The following CACNA1C variants were observed in gnomAD, a reference collection of about 807,000 sequenced individuals.
CACNA1C encodes calcium voltage-gated channel subunit alpha1 C.
A neutral mutation model predicts 229.0 loss-of-function variants in CACNA1C; 30 were observed. That is an observed-to-expected ratio of 0.13 (90% CI 0.10 to 0.18). The LOEUF is 0.18. Among genes scored for constraint, CACNA1C ranks in the 10% least tolerant of loss-of-function variants. The probability of loss-of-function intolerance (pLI) is 1.00; values close to 1 mark genes in which losing one functional copy is unlikely to be tolerated. For missense variants in CACNA1C, 1,658 were observed against 2,845.0 expected (o/e 0.58, Z 9.49); for synonymous variants, 1,114 against 1,132.5 (o/e 0.98, Z 0.33).
chr12:2,662,044 C>T (rs1022535633), intron 34 of CACNA1C, among the ~76,000 whole-genome samples: 1 of 152,144 alleles, frequency 6.6e-6, no homozygotes, highest in East Asian at 1.9e-4. Flanking sequence ...AGATCGAGAC[C>T]ATCCTGGCTA....
In CACNA1C at chr12:2,138,162, C is replaced by T. The variant is rs529700110; in HGVS notation, c.477+17732C>T. Among the ~76,000 whole-genome samples, 27 of 151,566 alleles carry T rather than the reference C, an allele frequency of 1.8e-4. 3 individuals carry two copies. In the South Asian group the frequency reaches 5.7e-3, roughly 32 times the overall value. ...CAGTCAGAAACATGGCCTGGGGCAGCCTCTCTTCTCTGTGCCTTTGAGTCC... is the reference window on the plus strand; with the variant it reads ...CAGTCAGAAACATGGCCTGGGGCAGTCTCTCTTCTCTGTGCCTTTGAGTCC... On this transcript the variant is annotated intron_variant, in intron 3 of 46. Coordinates refer to ENST00000399655, the MANE Select transcript of CACNA1C (RefSeq NM_000719.7).
At position 2,139,795 on chromosome 12, in the gene CACNA1C, A is replaced by G. The variant is rs747673170; in HGVS notation, c.477+19365A>G. Among the ~76,000 whole-genome samples the G allele has an allele frequency of 1.3e-3, 190 of 151,336 alleles. 8 individuals are homozygous for G. The highest frequency in any genetic ancestry group is 1.9e-3 in the Non-Finnish European group (129 of 67,584). On this transcript the variant is annotated intron_variant, in intron 3 of 46. Coordinates refer to ENST00000399655, the MANE Select transcript of CACNA1C (RefSeq NM_000719.7). Reference sequence around the variant, plus strand: ...CCCGCTGGCCTCAGACATGCGCCCTAAAGATGGGAGCATGCAGTGTGAACT... The same window carrying G: ...CCCGCTGGCCTCAGACATGCGCCCTGAAGATGGGAGCATGCAGTGTGAACT...
chr12:2,235,619 G>A (rs1338001155), intron 3 of CACNA1C, among the ~76,000 whole-genome samples: 1 of 152,160 alleles, frequency 6.6e-6, no homozygotes, highest in African/African-American at 2.4e-5. Context: ...GGGTGATGCC[G>A]GTTTACCCAG....
At chr12:2,206,615 G>A (rs1157617097) in intron 3 of CACNA1C, among the ~76,000 whole-genome samples, 1 of 152,228 alleles carries the variant, frequency 6.6e-6, no homozygotes, top group Non-Finnish European at 1.5e-5. Flanking sequence ...ACTGTCCAAT[G>A]AGTGTTTGTT....
At position 2,630,859 on chromosome 12, in the gene CACNA1C, CA is replaced by C. The variant is rs2090057218; in HGVS notation, c.3829-3436del. Among the ~76,000 whole-genome samples the C allele has an allele frequency of 6.6e-6, 1 of 152,128 alleles. No individual in the cohort carries two copies. The highest frequency in any genetic ancestry group is 2.4e-5 in the African/African-American group (1 of 41,418). On this transcript the variant is annotated intron_variant, in intron 29 of 46. Transcript: ENST00000399655. This position sits in a 1 kb window ranked among gnomAD's most constrained non-coding sequence, Gnocchi z 5.4. The stretch of plus-strand genomic sequence containing the variant: ...GCCTGCTGAGGACAAGTGTGAGGCA[CA>C]AGGCCTTAACTCCAACAGAGCCCAG...
intron 1 of CACNA1C, among the ~76,000 whole-genome samples, chr12:2,002,283 C>T (rs866952710): frequency 6.6e-6 from 1 of 152,184 alleles, no homozygotes; most frequent in African/African-American, 2.4e-5. Context: ...TACATTCAAA[C>T]GGCTCCCATC....
At chr12:2,536,775 G>A (rs1356227078) in intron 9 of CACNA1C, among the ~76,000 whole-genome samples, 1 of 152,128 alleles carries the variant, frequency 6.6e-6, no homozygotes, top group African/African-American at 2.4e-5. Context: ...GCTGCGGTGA[G>A]CCAAGATCAT....
chr12:2,379,085 T>A (rs1000274212), intron 3 of CACNA1C, among the ~76,000 whole-genome samples: 2 of 152,254 alleles, frequency 1.3e-5, no homozygotes, highest in Non-Finnish European at 2.9e-5. Flanking sequence ...TTTTTGGTTT[T>A]GATAAGTGCT....
At chr12:2,402,900 T>C (rs1324081181) in intron 3 of CACNA1C, among the ~76,000 whole-genome samples, 1 of 152,232 alleles carries the variant, frequency 6.6e-6, no homozygotes, top group Non-Finnish European at 1.5e-5. Context: ...TTAGGAATAA[T>C]AGGTCCATTA....
intron 38 of CACNA1C, among the ~76,000 whole-genome samples, chr12:2,670,790 C>G (rs950597641): frequency 1.3e-5 from 2 of 151,198 alleles, no homozygotes; most frequent in Middle Eastern, 3.2e-3. Context: ...ACCTGGGAGG[C>G]AGAGGTTGCA....
chr12:2,292,881 G>T (rs767529854), intron 3 of CACNA1C, among the ~76,000 whole-genome samples: 1 of 152,034 alleles, frequency 6.6e-6, no homozygotes, highest in Non-Finnish European at 1.5e-5. Context: ...GTGGGAGCCT[G>T]CATGCCTGGT....
At chr12:2,028,122 A>G (rs1015557457) in intron 1 of CACNA1C, among the ~76,000 whole-genome samples, 1 of 152,258 alleles carries the variant, frequency 6.6e-6, no homozygotes, top group African/African-American at 2.4e-5. Context: ...AAGAATGCCT[A>G]AGGATGCAGT....
intron 1 of CACNA1C, among the ~76,000 whole-genome samples, chr12:2,064,869 A>AAAC (rs1164962014): frequency 1.3e-5 from 2 of 152,240 alleles, no homozygotes; most frequent in Non-Finnish European, 2.9e-5. Flanking sequence ...TCTGAGGAAG[A>AAAC]AACACACACA....
At chr12:2,292,796 G>A (rs2093640153) in intron 3 of CACNA1C, among the ~76,000 whole-genome samples, 1 of 152,208 alleles carries the variant, frequency 6.6e-6, no homozygotes. Flanking sequence ...GAAGGTCCAA[G>A]TGGGGATGTG....
At position 2,664,738 on chromosome 12, in the gene CACNA1C, G is replaced by A. The variant is rs878888029; in HGVS notation, c.4233-87G>A. ...TTAGTAACTCCCTCTGGGGAAGGAG[G>A]AAAGGGACAGGTGGGGAGGGATGCA... On this transcript the variant is annotated intron_variant, in intron 34 of 46. Transcript: ENST00000399655. The A allele has an allele frequency of 3.1e-5, 34 of 1,109,744 alleles. No homozygotes were observed. In the South Asian group the frequency reaches 5.0e-4, roughly 16 times the overall value. 68.7% of individuals were successfully genotyped at this position (1,109,744 alleles called of 1,614,324 possible).
At chr12:2,171,580 C>T (rs1015335303) in intron 3 of CACNA1C, among the ~76,000 whole-genome samples, 1 of 152,236 alleles carries the variant, frequency 6.6e-6, no homozygotes, top group South Asian at 2.1e-4. Context: ...TTCCTCCCTC[C>T]CTTCTTCGTT....
intron 3 of CACNA1C, among the ~76,000 whole-genome samples, chr12:2,259,504 G>A (rs2079230336): frequency 6.6e-6 from 1 of 152,208 alleles, no homozygotes; most frequent in Non-Finnish European, 1.5e-5. Context: ...TTAAGAAGCA[G>A]AGCCGCTTTG....
At position 2,649,450 on chromosome 12, in the gene CACNA1C, T is replaced by C. The variant is rs1289078593; in HGVS notation, c.3945+943T>C. 5.3e-5 allele frequency among the ~76,000 whole-genome samples: 8 copies of C among 152,366 alleles called. No homozygotes were observed. The South Asian group carries it at 1.7e-3, about 32-fold the overall frequency. On this transcript the variant is annotated intron_variant, in intron 31 of 46. Coordinates refer to ENST00000399655, the MANE Select transcript of CACNA1C (RefSeq NM_000719.7). The surrounding 1 kb of genome is among the most constrained non-coding windows in gnomAD (Gnocchi z 4.4). ...GCCACAAGGCTGCCACAGGAAAGGCTGAGCCCGGGTGCTCTACCCCGCTTC... is the reference window on the plus strand; with the variant it reads ...GCCACAAGGCTGCCACAGGAAAGGCCGAGCCCGGGTGCTCTACCCCGCTTC...
At position 2,604,223 on chromosome 12, in the gene CACNA1C, A is replaced by C. The variant is rs111316465; in HGVS notation, c.2961-858A>C. Among the ~76,000 whole-genome samples the C allele has an allele frequency of 5.7e-3, 862 of 152,302 alleles. 12 individuals carry two copies. Among genetic ancestry groups the C allele is most frequent in the Non-Finnish European group, 3.6e-3 (242 of 68,024 alleles). Reference sequence around the variant, plus strand: ...TGGTTTCTGTGACCCATCTTGGGGAAGAGGGATTCTAGTGTCTATGGCTAG... The same window carrying C: ...TGGTTTCTGTGACCCATCTTGGGGACGAGGGATTCTAGTGTCTATGGCTAG... On this transcript the variant is annotated intron_variant, in intron 22 of 46. Coordinates refer to ENST00000399655, the MANE Select transcript of CACNA1C (RefSeq NM_000719.7).
Sources: gnomAD v4.1 joint callset for allele counts (sites outside exome capture counted in the v4.1 genomes callset) on GRCh38, gnomAD v4.1.1 for gene constraint, Gnocchi (gnomAD v3.1) non-coding constraint, MANE v1.5 for transcripts, NCBI Gene and HGNC (gene_info 2026-07-23, HGNC 2026-07-21) for gene names.